The following BCL7A variants were observed in gnomAD, a reference collection of about 807,000 sequenced individuals.
The protein encoded by BCL7A is BAF chromatin remodeling complex subunit BCL7A, also known as B-cell CLL/lymphoma 7 protein family member A.
Under a neutral mutation model 28.4 loss-of-function variants are expected in BCL7A, and 11 were observed. The ratio of observed to expected loss-of-function variants is 0.39; its 90% CI spans 0.24 to 0.64. BCL7A has a LOEUF of 0.64. Ranked by LOEUF, BCL7A falls within the 30% of genes least tolerant of loss-of-function variation. The pLI, the probability that BCL7A is intolerant of heterozygous loss-of-function variation, is 0.50. For missense variants in BCL7A, 222 were observed against 274.8 expected (o/e 0.81, Z 1.36); for synonymous variants, 123 against 103.3 (o/e 1.19, Z -1.15).
intron 1 of BCL7A, among the ~76,000 whole-genome samples, chr12:122,024,337 G>A (rs1883562700): frequency 1.3e-5 from 2 of 152,314 alleles, no homozygotes; most frequent in Non-Finnish European, 2.9e-5. Context: ...GGTCCCCTCG[G>A]GTTATTGAGG....
In BCL7A at chr12:122,061,218, T is replaced by C; in HGVS notation, c.*2055T>C. 4.4e-6 allele frequency: 1 copy of C among 229,298 alleles called. No individual in the cohort carries two copies. 14.2% of individuals were successfully genotyped at this position (229,298 alleles called of 1,614,324 possible). A position where few individuals can be genotyped will look rare whatever the true frequency, so the allele number is the denominator to read the frequency against. On this transcript the variant is annotated 3_prime_UTR_variant, in exon 6 of 6. Transcript: ENST00000261822. ...AACGAGAGGCTACAACCAAGACAGC[T>C]GAAGGAGAATGAAACACACACATCC...
At chr12:122,023,211 T>C (rs1883515019) in intron 1 of BCL7A, among the ~76,000 whole-genome samples, 1 of 152,192 alleles carries the variant, frequency 6.6e-6, no homozygotes, top group East Asian at 1.9e-4. Flanking sequence ...GTCAGAGTTG[T>C]TGAAAACTCC....
chr12:122,030,736 A>G lies in BCL7A; in HGVS notation c.129A>G (p.Leu43=). 6.2e-7 allele frequency: 1 copy of G among 1,614,082 alleles called. No individual in the cohort carries two copies. The highest frequency in any genetic ancestry group is 8.5e-7 in the Non-Finnish European group (1 of 1,179,960). ...GGGTGACCGTTGGTGACACATCCCT[A>G]CGAATCTACAAATGGGTCCCTGTGA... The part of the protein sequence containing the change: ...KKWVTVGDTS[L]RIYKWVPVTE... Residue 43 remains leucine (L), a synonymous_variant, in exon 2 of 6, where the codon CTA becomes CTG. Transcript: ENST00000261822.
chr12:122,053,463 A>G (rs1182016692), intron 4 of BCL7A, among the ~76,000 whole-genome samples: 1 of 151,796 alleles, frequency 6.6e-6, no homozygotes, highest in Non-Finnish European at 1.5e-5. Context: ...AGCATGGGTT[A>G]TTTTCCCCTT....
At position 122,035,402 on chromosome 12, in the gene BCL7A, C is replaced by G. The variant is rs377018756; in HGVS notation, c.246C>G (p.Ser82=). ...GSEVTTPENS[S]SPGMMDMHDD... is the part of the protein sequence containing the mutation. ...AGGTGACCACTCCGGAGAACAGTTC[C>G]TCCCCAGGGATGATGGACATGCATG... The change falls in exon 3 of 6, where the codon TCC becomes TCG. Residue 82 remains serine (S), a synonymous_variant. Transcript: ENST00000261822. 1 of 1,614,040 alleles carries G rather than the reference C, an allele frequency of 6.2e-7. No homozygotes were observed.
At chr12:122,022,350 G>A (rs1281087795) in intron 1 of BCL7A, among the ~76,000 whole-genome samples, 167 bp downstream of exon 1, 3 of 144,124 alleles carry the variant, frequency 2.1e-5, no homozygotes, top group Non-Finnish European at 4.6e-5. Flanking sequence ...CGCGCGAGCC[G>A]GGTCACCTGC....
intron 4 of BCL7A, among the ~76,000 whole-genome samples, chr12:122,050,670 A>G (rs1216477473): frequency 6.6e-6 from 1 of 152,144 alleles, no homozygotes; most frequent in African/African-American, 2.4e-5. Context: ...TGTTTGTAAA[A>G]TGGGATGACC....
At chr12:122,036,077 G>C (rs1056430924) in intron 3 of BCL7A, among the ~76,000 whole-genome samples, 1 of 152,122 alleles carries the variant, frequency 6.6e-6, no homozygotes, top group Non-Finnish European at 1.5e-5. Flanking sequence ...CTCGCCTCAA[G>C]TGATCTGCCC....
Position 122,049,035 on chromosome 12 carries a change from A to AAT in BCL7A, c.439+5000_439+5001dup, listed in dbSNP as rs1159174556. On this transcript the variant is annotated intron_variant, in intron 4 of 5. Transcript: ENST00000261822. ...AAACGTGTAAAAAAAAAAAAAAAAA[A>AAT]ATATATATATATATATATACATATA... is the stretch of plus-strand genomic sequence containing the variant. Among the ~76,000 whole-genome samples, 164 of 58,306 alleles carry AAT rather than the reference A, an allele frequency of 2.8e-3. 2 individuals are homozygous for AAT. The highest frequency in any genetic ancestry group is 0.013 in the Middle Eastern group (1 of 80). 38.3% of individuals were successfully genotyped at this position (58,306 alleles called of 152,430 possible).
intron 3 of BCL7A, among the ~76,000 whole-genome samples, chr12:122,036,845 T>C (rs1883866641): frequency 6.6e-6 from 1 of 152,056 alleles, no homozygotes. Context: ...GTAGCTGGGA[T>C]TACAGGCACG....
chr12:122,039,123 C>T (rs1180532272), intron 3 of BCL7A, among the ~76,000 whole-genome samples: 4 of 151,682 alleles, frequency 2.6e-5, no homozygotes, highest in Non-Finnish European at 1.5e-5. Flanking sequence ...GGTGAAACCC[C>T]ATCTCTACTA....
chr12:122,047,523 C>A (rs1884101908), intron 4 of BCL7A, among the ~76,000 whole-genome samples: 1 of 149,666 alleles, frequency 6.7e-6, no homozygotes, highest in Non-Finnish European at 1.5e-5. Flanking sequence ...GAATCCGTCT[C>A]AGAAAAAAAA....
Position 122,050,434 on chromosome 12 carries a change from T to C in BCL7A, c.440-4371T>C, listed in dbSNP as rs577079353. ...CACCCCCTGCTGAGAGCCAGTGCCC[T>C]AGCGGCTTTGCCATAGCCTTCGCTG... On this transcript the variant is annotated intron_variant, in intron 4 of 5. Transcript: ENST00000261822. Among the ~76,000 whole-genome samples the C allele has an allele frequency of 3.0e-4, 46 of 152,184 alleles. 2 individuals carry two copies. Among genetic ancestry groups the C allele is most frequent in the Non-Finnish European group, 5.9e-5 (4 of 68,028 alleles).
At chr12:122,047,587 C>T (rs559432624) in intron 4 of BCL7A, among the ~76,000 whole-genome samples, 8 of 151,806 alleles carry the variant, frequency 5.3e-5, no homozygotes, top group South Asian at 4.2e-4. Flanking sequence ...TGCAGTGGTA[C>T]AATCTCCGCT....
At chr12:122,044,263 CT>C in intron 4 of BCL7A, 1 of 557,300 alleles carries the variant, frequency 1.8e-6, no homozygotes, top group Non-Finnish European at 3.1e-6. Flanking sequence ...AATCCCTGCA[CT>C]TTAGGAGGCC....
chr12:122,053,747 G>A (rs1346207325), intron 4 of BCL7A, among the ~76,000 whole-genome samples: 2 of 148,996 alleles, frequency 1.3e-5, no homozygotes, highest in African/African-American at 5.0e-5. Context: ...GGGTGGAGCA[G>A]CAGGAAGACA....
At chr12:122,023,686 C>T (rs1593020059) in intron 1 of BCL7A, among the ~76,000 whole-genome samples, 2 of 152,282 alleles carry the variant, frequency 1.3e-5, no homozygotes, top group East Asian at 1.9e-4. Context: ...GTCTCGGGAG[C>T]TCCCCTGGTA....
chr12:122,059,272 C>A lies in BCL7A; in HGVS notation c.*109C>A. The A allele has an allele frequency of 2.0e-6, 2 of 1,019,742 alleles. No homozygotes were observed. The highest frequency in any genetic ancestry group is 1.6e-5 in the African/African-American group (1 of 62,462). The allele number at this position is 1,019,742 out of a possible 1,614,324, so 63.2% of individuals were successfully genotyped here. A position where few individuals can be genotyped will look rare whatever the true frequency, so the allele number is the denominator to read the frequency against. On this transcript the variant is annotated 3_prime_UTR_variant, in exon 6 of 6. Transcript: ENST00000261822. This position sits in a 1 kb window ranked among gnomAD's most constrained non-coding sequence, Gnocchi z 4.0. The stretch of plus-strand genomic sequence containing the variant: ...TCTTGGGTGCGAACAGAACTACTAA[C>A]GTTTCAAGTTTACCAAGTGCAAATC...
At chr12:122,041,839 G>A (rs777665086) in intron 3 of BCL7A, among the ~76,000 whole-genome samples, 292 of 152,162 alleles carry the variant, frequency 1.9e-3, no homozygotes, top group Non-Finnish European at 3.3e-3. Context: ...AGGTTGAAGC[G>A]GGCAGATCAC....
Sources: allele counts gnomAD v4.1 joint callset (sites outside exome capture counted in the v4.1 genomes callset), GRCh38; gene constraint gnomAD v4.1.1; non-coding constraint Gnocchi (gnomAD v3.1); transcripts MANE v1.5; gene names NCBI Gene and HGNC (gene_info 2026-07-23, HGNC 2026-07-21).